RDX: variants seen among roughly 807,000 people sequenced by gnomAD.
The protein encoded by RDX is deafness, autosomal recessive 24.
A neutral mutation model predicts 83.7 loss-of-function variants in RDX; 32 were observed. The observed-to-expected ratio is 0.38, with a 90% confidence interval of 0.29 to 0.51. The LOEUF (loss-of-function observed/expected upper bound fraction) is 0.51, where lower values mean the gene tolerates loss of function less well. RDX is among the 20% of genes least tolerant of loss of function. RDX has a pLI of 0.87. For missense variants in RDX, 600 were observed against 689.9 expected (o/e 0.87, Z 1.46); for synonymous variants, 229 against 222.7 (o/e 1.03, Z -0.25).
rs577739025 is a variant in RDX at position 110,276,244 on chromosome 11, G to C, written c.12+3437C>G. Reference sequence around the variant, plus strand: ...CTCCATATGAATGAAAATAATACAGGGTTTTTTTTTAATCCCAACATAATT... The same window carrying C: ...CTCCATATGAATGAAAATAATACAGCGTTTTTTTTTAATCCCAACATAATT... On this transcript the variant is annotated intron_variant, in intron 2 of 13. Transcript: ENST00000645495. Among the ~76,000 whole-genome samples, 31 of 151,822 alleles carry C rather than the reference G, an allele frequency of 2.0e-4. 1 individual carries two copies. The South Asian group carries it at 5.0e-3, about 25-fold the overall frequency.
Position 110,230,998 on chromosome 11 carries a change from C to T in RDX, c.*871G>A, listed in dbSNP as rs1298769999. ...TTAGTTACCAACAAATGTATATTTT[C>T]TTTTTTTAACTAATCATTTGTTTTT... On this transcript the variant is annotated 3_prime_UTR_variant, in exon 14 of 14. Coordinates refer to ENST00000645495, the MANE Select transcript of RDX (RefSeq NM_002906.4). 6.6e-6 allele frequency: 1 copy of T among 152,416 alleles called. No homozygotes were observed. The highest frequency in any genetic ancestry group is 1.5e-5 in the Non-Finnish European group (1 of 67,976). 9.4% of individuals were successfully genotyped at this position (152,416 alleles called of 1,614,324 possible). A position where few individuals can be genotyped will look rare whatever the true frequency, so the allele number is the denominator to read the frequency against.
Position 110,260,185 on chromosome 11 carries a change from C to T in RDX, c.468-1996G>A, listed in dbSNP as rs1015211479. ...ATTTTTAGTAGAGACGGGGTTTCTC[C>T]ATGTTGGTCAGCCTGGTCTTGAACT... On this transcript the variant is annotated intron_variant, in intron 5 of 13. Transcript: ENST00000645495. 3.3e-5 allele frequency among the ~76,000 whole-genome samples: 5 copies of T among 152,130 alleles called. No homozygotes were observed. In the East Asian group the frequency reaches 9.7e-4, roughly 29 times the overall value.
chr11:110,279,582 T>A lies in RDX; in HGVS notation c.12+99A>T, dbSNP rs994159746. On this transcript the variant is annotated intron_variant, in intron 2 of 13. Transcript: ENST00000645495. ...AATAACAGTAGTATCAGTGCCTTTT[T>A]CTTCCAACAACTCTACCAACATTCT... The A allele has an allele frequency of 8.4e-6, 7 of 836,554 alleles. No homozygotes were observed. In the African/African-American group the frequency reaches 1.2e-4, roughly 14 times the overall value. 51.8% of individuals were successfully genotyped at this position (836,554 alleles called of 1,614,324 possible). A position where few individuals can be genotyped will look rare whatever the true frequency, so the allele number is the denominator to read the frequency against.
chr11:110,219,893 A>C (rs1001064007), intron 14 of RDX, among the ~76,000 whole-genome samples: 1 of 152,190 alleles, frequency 6.6e-6, no homozygotes, highest in Non-Finnish European at 1.5e-5. Flanking sequence ...GTGGTATTTA[A>C]AGCAATGACA....
intron 1 of RDX, among the ~76,000 whole-genome samples, chr11:110,289,103 T>C (rs1029036179): frequency 6.6e-6 from 1 of 152,114 alleles, no homozygotes. Flanking sequence ...CCGAGCGTGG[T>C]GGCGCATGCC....
At chr11:110,217,412 G>C (rs1864093761) in intron 14 of RDX, among the ~76,000 whole-genome samples, 1 of 152,170 alleles carries the variant, frequency 6.6e-6, no homozygotes, top group Non-Finnish European at 1.5e-5. Context: ...TGAATGACTA[G>C]TACACAGCGC....
intron 9 of RDX, 23 bp downstream of exon 9, chr11:110,253,923 G>A: frequency 6.2e-7 from 1 of 1,610,324 alleles, no homozygotes; most frequent in East Asian, 2.2e-5. Flanking sequence ...TCAATTAAAA[G>A]TGAAAGGTCA....
At chr11:110,219,405 C>T (rs140026660) in intron 14 of RDX, among the ~76,000 whole-genome samples, 8 of 152,264 alleles carry the variant, frequency 5.3e-5, no homozygotes, top group African/African-American at 1.7e-4. Flanking sequence ...GGGAAACCTC[C>T]GAAGGATTTT....
intron 3 of RDX, among the ~76,000 whole-genome samples, chr11:110,267,671 G>GA (rs1860113055): frequency 6.6e-6 from 1 of 151,092 alleles, no homozygotes; most frequent in Non-Finnish European, 1.5e-5. Context: ...CAGAAAAAAA[G>GA]AAAAAACACT....
At chr11:110,199,215 G>A (rs1863312614) in intron 15 of RDX, among the ~76,000 whole-genome samples, 1 of 152,154 alleles carries the variant, frequency 6.6e-6, no homozygotes, top group African/African-American at 2.4e-5. Context: ...GCTAGAGAGG[G>A]CTCTTTCTAA....
At chr11:110,218,574 C>T (rs181009884) in intron 14 of RDX, among the ~76,000 whole-genome samples, 25 of 152,308 alleles carry the variant, frequency 1.6e-4, no homozygotes, top group African/African-American at 6.0e-4. Context: ...AAAGAAATGT[C>T]ACAGGCACAC....
At chr11:110,285,852 T>C (rs1276229163) in intron 1 of RDX, among the ~76,000 whole-genome samples, 2 of 151,846 alleles carry the variant, frequency 1.3e-5, no homozygotes, top group Non-Finnish European at 2.9e-5. Context: ...CCTAGATGCA[T>C]ATCCTGGGGT....
chr11:110,188,500 A>G (rs954457673), intron 15 of RDX, among the ~76,000 whole-genome samples: 5 of 152,052 alleles, frequency 3.3e-5, no homozygotes, highest in Non-Finnish European at 7.4e-5. Flanking sequence ...GACTTTGGGA[A>G]CTTAGGAGGA....
At chr11:110,265,499 AAT>A (rs5794684) in intron 3 of RDX, among the ~76,000 whole-genome samples, 81,579 of 147,330 alleles carry the variant, frequency 0.55, 22,484 homozygotes, top group Middle Eastern at 0.7. Flanking sequence ...GAGTCTTGAA[AAT>A]ATATATATAT....
chr11:110,236,160 A>ATC lies in RDX; in HGVS notation c.1281_1282dup (p.Ile428ArgfsTer5), dbSNP rs1485120383. 2.5e-6 allele frequency: 4 copies of ATC among 1,612,694 alleles called. No individual in the cohort carries two copies. The highest frequency in any genetic ancestry group is 3.4e-6 in the Non-Finnish European group (4 of 1,179,890). On this transcript the variant is annotated frameshift_variant, in exon 12 of 14. Coordinates refer to ENST00000645495, the MANE Select transcript of RDX (RefSeq NM_002906.4). ...CTTCTTGGCTTCCTCTAGAAGTGCA[A>ATC]TCTTGGCAGTGAATTCAGCAAGTTC... is the stretch of plus-strand genomic sequence containing the variant.
intron 1 of RDX, among the ~76,000 whole-genome samples, chr11:110,293,158 A>AT (rs1163135364): frequency 1.3e-5 from 2 of 152,200 alleles, no homozygotes; most frequent in African/African-American, 4.8e-5. Flanking sequence ...ATATAACCCT[A>AT]TTTTAACAAG....
chr11:110,221,121 T>C (rs191685089), intron 14 of RDX, among the ~76,000 whole-genome samples: 1 of 152,170 alleles, frequency 6.6e-6, no homozygotes, highest in Admixed American at 6.5e-5. Flanking sequence ...TCTGAATCTC[T>C]CTGGTACACA....
intron 13 of RDX, among the ~76,000 whole-genome samples, chr11:110,232,928 T>C (rs1864698075): frequency 6.6e-6 from 1 of 152,208 alleles, no homozygotes; most frequent in Admixed American, 6.5e-5. Flanking sequence ...AATGTACATA[T>C]TACTGATCAA....
In RDX at chr11:110,271,564, G is replaced by A. The variant is rs142858951; in HGVS notation, c.96+972C>T. Among the ~76,000 whole-genome samples the A allele has an allele frequency of 5.9e-3, 892 of 152,238 alleles. 29 individuals are homozygous for A. The highest frequency in any genetic ancestry group is 0.05 in the Admixed American group (761 of 15,276). ...TACATTGCAATACAACATTATCTGG[G>A]AAGCTTAAATTTTAAAATACTGATA... On this transcript the variant is annotated intron_variant, in intron 3 of 13. Transcript: ENST00000645495.
Sources: allele counts gnomAD v4.1 joint callset (sites outside exome capture counted in the v4.1 genomes callset), GRCh38; gene constraint gnomAD v4.1.1; transcripts MANE v1.5; gene names NCBI Gene and HGNC (gene_info 2026-07-23, HGNC 2026-07-21).